The following ADH1C variants were observed in gnomAD, a reference collection of about 807,000 sequenced individuals.
The protein encoded by ADH1C is alcohol dehydrogenase 1C (class I), gamma polypeptide.
Under a neutral mutation model 35.0 loss-of-function variants are expected in ADH1C, and 26 were observed. The ratio of observed to expected loss-of-function variants is 0.74; its 90% CI spans 0.54 to 1.03. The LOEUF (loss-of-function observed/expected upper bound fraction) is 1.03, where lower values mean the gene tolerates loss of function less well. Among genes scored for constraint, ADH1C ranks in the 50% least tolerant of loss-of-function variants. The pLI, the probability that ADH1C is intolerant of heterozygous loss-of-function variation, is 0.00. For synonymous variants in ADH1C, 170 were observed against 169.3 expected, an observed-to-expected ratio of 1.00 and a Z score of -0.03; for missense variants, 413 against 465.4, an observed-to-expected ratio of 0.89 and a Z score of 1.04.
intron 6 of ADH1C, 54 bp downstream of exon 6, chr4:99,342,741 A>G (rs1258536072): frequency 2.5e-6 from 4 of 1,610,766 alleles, no homozygotes; most frequent in Non-Finnish European, 3.4e-6. Context: ...TACTGCCTAA[A>G]TGCATCCTCC....
intron 8 of ADH1C, 22 bp from the exon 9 acceptor site, chr4:99,336,798 A>G (rs768434307): frequency 2.5e-6 from 4 of 1,613,468 alleles, no homozygotes; most frequent in Non-Finnish European, 2.5e-6. Flanking sequence ...AAGAAGAGAC[A>G]TTGTGTTAAC....
chr4:99,351,415 T>G (rs936662461), intron 1 of ADH1C, among the ~76,000 whole-genome samples: 1 of 152,220 alleles, frequency 6.6e-6, no homozygotes, highest in Admixed American at 6.5e-5. Context: ...AAAAGCTAAG[T>G]TATTGATGTT....
At chr4:99,347,604 C>T (rs372194293) in intron 2 of ADH1C, 141 bp downstream of exon 2, 1 of 818,656 alleles carries the variant, frequency 1.2e-6, no homozygotes, top group Non-Finnish European at 1.8e-6. Context: ...ACAATTTATA[C>T]TTTCCTTGAC....
Position 99,343,056 on chromosome 4 carries a change from C to T in ADH1C, c.568-1G>A, listed in dbSNP as rs777878896. On this transcript the variant is annotated splice_acceptor_variant, in intron 5 of 8. Transcript: ENST00000515683. LOFTEE classifies it high-confidence loss of function. ...CAGCACAGGTAGACCCTGGGGTGACCTATGTTTTCAGAAAATGCAAAAATG... is the reference window on the plus strand; with the variant it reads ...CAGCACAGGTAGACCCTGGGGTGACTTATGTTTTCAGAAAATGCAAAAATG... The T allele has an allele frequency of 5.6e-6, 9 of 1,605,124 alleles. No homozygotes were observed. The Admixed American group carries it at 1.6e-4, about 28-fold the overall frequency.
intron 1 of ADH1C, among the ~76,000 whole-genome samples, chr4:99,351,583 T>A (rs190805418): frequency 1.4e-4 from 21 of 152,340 alleles, no homozygotes; most frequent in Admixed American, 1.4e-3. Context: ...ATGAGGAATG[T>A]AAATATTAAT....
chr4:99,344,744 C>T (rs1460116388), intron 5 of ADH1C, 118 bp downstream of exon 5: 6 of 1,317,162 alleles, frequency 4.6e-6, no homozygotes, highest in Non-Finnish European at 6.3e-6. Context: ...CATTTTTCTA[C>T]TCTTAATCGA....
At chr4:99,338,395 C>T (rs2851298) in intron 8 of ADH1C, among the ~76,000 whole-genome samples, 3,519 of 38,680 alleles carry the variant, frequency 0.091, 255 homozygotes, top group African/African-American at 0.15. Context: ...ATACTGTTTT[C>T]TATATATATA....
chr4:99,351,568 T>C (rs1039416060), intron 1 of ADH1C, among the ~76,000 whole-genome samples: 2 of 152,236 alleles, frequency 1.3e-5, no homozygotes, highest in South Asian at 2.1e-4. Flanking sequence ...TTCTAATTAT[T>C]TTCTATGAGG....
intron 1 of ADH1C, among the ~76,000 whole-genome samples, 161 bp from the exon 2 acceptor site, chr4:99,348,007 A>G (rs1042777599): frequency 2.0e-5 from 3 of 152,256 alleles, no homozygotes; most frequent in African/African-American, 7.2e-5. Context: ...GAATAAGAGT[A>G]TCTTTTAAAA....
chr4:99,341,783 G>A (rs1181242861), intron 6 of ADH1C, among the ~76,000 whole-genome samples: 2 of 152,170 alleles, frequency 1.3e-5, no homozygotes, highest in Non-Finnish European at 2.9e-5. Context: ...GTAACTGTTT[G>A]AAAGTAATAT....
At chr4:99,350,909 G>A (rs1662045) in intron 1 of ADH1C, 35,620 of 152,106 alleles carry the variant, frequency 0.23, 4,936 homozygotes, top group Non-Finnish European at 0.31. Context: ...AGGCCGAGGT[G>A]GGCGGATCAC....
At chr4:99,337,354 G>A (rs1734301574) in intron 8 of ADH1C, among the ~76,000 whole-genome samples, 1 of 151,956 alleles carries the variant, frequency 6.6e-6, no homozygotes, top group Non-Finnish European at 1.5e-5. Flanking sequence ...TGAAAGAACT[G>A]ATAATTTAAT....
chr4:99,350,244 C>G (rs1263235077), intron 1 of ADH1C, among the ~76,000 whole-genome samples: 1 of 152,050 alleles, frequency 6.6e-6, no homozygotes, highest in African/African-American at 2.4e-5. Context: ...GAGTGAGTTA[C>G]ATGCATTATT....
Position 99,344,868 on chromosome 4 carries a change from A to C in ADH1C, c.561T>G (p.Val187=). The change falls in exon 5 of 9, where the codon GTT becomes GTG. Residue 187 remains valine (V), a synonymous_variant. Transcript: ENST00000515683. ...CATCCATTGTCATTTCTACCTTGGC[A>C]ACTTTGACTGCAGACCCATAACCAG... ...FSTGYGSAVK[V]AKVTPGSTCA... The C allele has an allele frequency of 6.2e-7, 1 of 1,614,118 alleles. No individual in the cohort carries two copies. The highest frequency in any genetic ancestry group is 8.5e-7 in the Non-Finnish European group (1 of 1,179,976).
At chr4:99,344,320 T>C (rs1025951741) in intron 5 of ADH1C, among the ~76,000 whole-genome samples, 3 of 152,226 alleles carry the variant, frequency 2.0e-5, no homozygotes, top group Non-Finnish European at 4.4e-5. Flanking sequence ...AATGTCATAA[T>C]GAGTGAATTA....
At chr4:99,338,442 T>TATATAC (rs1734334600) in intron 8 of ADH1C, among the ~76,000 whole-genome samples, 1 of 58,764 alleles carries the variant, frequency 1.7e-5, no homozygotes, top group African/African-American at 7.3e-5. Flanking sequence ...TATATATATA[T>TATATAC]ATACACACTC....
At chr4:99,337,755 A>G (rs1451998455) in intron 8 of ADH1C, among the ~76,000 whole-genome samples, 3 of 152,162 alleles carry the variant, frequency 2.0e-5, no homozygotes, top group Admixed American at 2.0e-4. Flanking sequence ...TTCTAGATAC[A>G]GATACACTTT....
At chr4:99,342,660 A>G (rs1382804313) in intron 6 of ADH1C, 135 bp downstream of exon 6, 1 of 1,396,892 alleles carries the variant, frequency 7.2e-7, no homozygotes, top group African/African-American at 1.4e-5. Context: ...TAAACAAGCC[A>G]GGTAACAAAA....
At chr4:99,341,632 T>G (rs931303103) in intron 6 of ADH1C, among the ~76,000 whole-genome samples, 2 of 152,210 alleles carry the variant, frequency 1.3e-5, no homozygotes, top group Non-Finnish European at 2.9e-5. Flanking sequence ...TGCTGCTCCC[T>G]GTTACCCACA....
Sources: allele counts gnomAD v4.1 joint callset (sites outside exome capture counted in the v4.1 genomes callset), GRCh38; gene constraint gnomAD v4.1.1; transcripts MANE v1.5; gene names NCBI Gene and HGNC (gene_info 2026-07-23, HGNC 2026-07-21).